Variants in CD276 observed in about 807,000 individuals in gnomAD.
CD276 encodes CD276 molecule, also known as CD276 antigen.
Under a neutral mutation model 50.0 loss-of-function variants are expected in CD276, and 34 were observed. The observed-to-expected ratio is 0.68, with a 90% CI of 0.52 to 0.91. The LOEUF (loss-of-function observed/expected upper bound fraction) is 0.91, where lower values mean the gene tolerates loss of function less well. Ranked by LOEUF, CD276 falls within the 40% of genes least tolerant of loss-of-function variation. CD276 has a pLI of 0.00. For synonymous variants in CD276, 275 were observed against 313.0 expected (o/e 0.88, Z 1.28); for missense variants, 634 against 717.5 (o/e 0.88, Z 1.33).
At chr15:73,685,453 TTGTGTGTGTG>T (rs55859831) in intron 1 of CD276, among the ~76,000 whole-genome samples, 2,672 of 131,902 alleles carry the variant, frequency 0.02, 25 homozygotes, top group African/African-American at 0.031. Flanking sequence ...CAAAAAAGAT[TTGTGTGTGTG>T]TGTGTGTGTG....
rs751945352 is a variant in CD276 at position 73,708,476 on chromosome 15, G to A, written c.1504+3G>A. ...GAGCTGTGAGGAGGAGAATGCAGGT[G>A]AGTGTGTGTGTATGTGTGTGCGTGC... On this transcript the variant is annotated splice_donor_region_variant and intron_variant, in intron 7 of 9. Coordinates refer to ENST00000318443, the MANE Select transcript of CD276 (RefSeq NM_001024736.2). The A allele has an allele frequency of 1.2e-6, 2 of 1,612,764 alleles. No individual in the cohort carries two copies. Among genetic ancestry groups the A allele is most frequent in the African/African-American group, 1.3e-5 (1 of 75,034 alleles).
intron 1 of CD276, among the ~76,000 whole-genome samples, chr15:73,689,285 G>T (rs1899895980): frequency 6.6e-6 from 1 of 150,650 alleles, no homozygotes; most frequent in South Asian, 2.1e-4. Context: ...CATGCCTCTA[G>T]TTCCAGGGAG....
intron 1 of CD276, chr15:73,684,859 C>T (rs1899677361): frequency 1.3e-5 from 2 of 152,400 alleles, no homozygotes. Context: ...CAGATCTGTC[C>T]CGTGTTGAAG....
chr15:73,690,870 C>T, intron 1 of CD276: 1 of 451,858 alleles, frequency 2.2e-6, no homozygotes, highest in South Asian at 1.6e-5. Flanking sequence ...GTGGGCAGGG[C>T]CAGGGCAGAT....
intron 1 of CD276, among the ~76,000 whole-genome samples, chr15:73,691,587 C>G (rs1899990487): frequency 6.6e-6 from 1 of 152,108 alleles, no homozygotes; most frequent in Non-Finnish European, 1.5e-5. Context: ...TGTAACATGC[C>G]CAGGCCCTAG....
chr15:73,708,709 G>C, intron 7 of CD276: 1 of 551,426 alleles, frequency 1.8e-6, no homozygotes, highest in Non-Finnish European at 3.3e-6. Context: ...AGTGTGACTG[G>C]AAGGTGGTGG....
rs545258004 is a variant in CD276, at chr15:73,708,480, G to A, written c.1504+7G>A. ...TGTGAGGAGGAGAATGCAGGTGAGTGTGTGTGTATGTGTGTGCGTGCGCAT... is the reference window on the plus strand; with the variant it reads ...TGTGAGGAGGAGAATGCAGGTGAGTATGTGTGTATGTGTGTGCGTGCGCAT... On this transcript the variant is annotated splice_region_variant and intron_variant, in intron 7 of 9. Coordinates refer to ENST00000318443, the MANE Select transcript of CD276 (RefSeq NM_001024736.2). The A allele has an allele frequency of 9.3e-5, 150 of 1,608,730 alleles. No homozygotes were observed. The South Asian group carries it at 1.6e-3, about 17-fold the overall frequency.
intron 6 of CD276, among the ~76,000 whole-genome samples, chr15:73,707,460 T>A (rs767486844): frequency 6.6e-6 from 1 of 152,182 alleles, no homozygotes; most frequent in Admixed American, 6.5e-5. Context: ...CCTCAGTGTT[T>A]CATGTTAATA....
Position 73,704,198 on chromosome 15 carries a change from G to T in CD276, c.1095G>T (p.Met365Ile). ...CAGCTCCCTACTCGAAGCCCAGCAT[G>T]ACCCTGGAGCCCAACAAGGACCTGC... is the stretch of plus-strand genomic sequence containing the variant. ...QVAAPYSKPSMTLEPNKDLRP... is the reference protein window; with the variant it reads ...QVAAPYSKPSITLEPNKDLRP... Residue 365 changes from methionine (M) to isoleucine (I), a missense_variant, in exon 6 of 10, where the codon ATG (methionine) becomes ATT (isoleucine). Coordinates refer to ENST00000318443, the MANE Select transcript of CD276 (RefSeq NM_001024736.2). This position sits in a 1 kb window ranked among gnomAD's most constrained non-coding sequence, Gnocchi z 4.1. 6.2e-7 allele frequency: 1 copy of T among 1,613,460 alleles called. No homozygotes were observed. Among genetic ancestry groups the T allele is most frequent in the Non-Finnish European group, 8.5e-7 (1 of 1,179,760 alleles).
At chr15:73,708,270 C>T in intron 6 of CD276, 69 bp from the exon 7 acceptor site, 1 of 1,565,636 alleles carries the variant, frequency 6.4e-7, no homozygotes, top group African/African-American at 1.4e-5. Context: ...ACACTTGGAG[C>T]CAATGGTGCT....
In CD276 at chr15:73,703,105, C is replaced by T; in HGVS notation, c.733+19C>T. ...CCCACAGGTTGCTTTGCTTAAATGT[C>T]CCCTTGGGGGAGGGGGGTTCTGCTT... On this transcript the variant is annotated intron_variant, in intron 4 of 9. Coordinates refer to ENST00000318443, the MANE Select transcript of CD276 (RefSeq NM_001024736.2). The T allele has an allele frequency of 1.3e-6, 2 of 1,557,258 alleles. No homozygotes were observed. The highest frequency in any genetic ancestry group is 1.7e-6 in the Non-Finnish European group (2 of 1,147,644).
chr15:73,696,317 C>T (rs1380449512), intron 1 of CD276, among the ~76,000 whole-genome samples: 1 of 152,032 alleles, frequency 6.6e-6, no homozygotes, highest in Non-Finnish European at 1.5e-5. Flanking sequence ...CTGCGTGGCT[C>T]CACGTGGCTC....
At chr15:73,708,833 G>A (rs1039083910) in intron 7 of CD276, 48 of 320,764 alleles carry the variant, frequency 1.5e-4, no homozygotes, top group Admixed American at 3.2e-4. Flanking sequence ...GAAGCTGTGC[G>A]GCACAAATGT....
At chr15:73,701,161 G>A (rs899036154) in intron 2 of CD276, among the ~76,000 whole-genome samples, 1 of 151,594 alleles carries the variant, frequency 6.6e-6, no homozygotes, top group Admixed American at 6.6e-5. Flanking sequence ...CTCCCATGCC[G>A]GGCCTTTTCC....
At chr15:73,689,188 C>CTGTGTGTGTGTGTGTGTGTGTG (rs58196751) in intron 1 of CD276, among the ~76,000 whole-genome samples, 19 of 142,626 alleles carry the variant, frequency 1.3e-4, no homozygotes, top group Admixed American at 2.1e-4. Flanking sequence ...TCTGTGCCTC[C>CTGTGTGTGTGTGTGTGTGTGTG]TGTGTGTGTG....
At chr15:73,696,664 C>T (rs1322438507) in intron 1 of CD276, among the ~76,000 whole-genome samples, 2 of 152,088 alleles carry the variant, frequency 1.3e-5, no homozygotes, top group Non-Finnish European at 2.9e-5. Flanking sequence ...GGGGAGGTGC[C>T]CTCTGCTCCC....
rs748860461 is a variant in CD276, at chr15:73,708,335, T to G, written c.1370-4T>G. On this transcript the variant is annotated splice_region_variant and splice_polypyrimidine_tract_variant and intron_variant, in intron 6 of 9. Coordinates refer to ENST00000318443, the MANE Select transcript of CD276 (RefSeq NM_001024736.2). ...AGTCTCACTGTTGCTACTTTTCCTCTCAGGGCAGCCTATGACATTCCCCCC... is the reference window on the plus strand; with the variant it reads ...AGTCTCACTGTTGCTACTTTTCCTCGCAGGGCAGCCTATGACATTCCCCCC... The G allele has an allele frequency of 6.2e-7, 1 of 1,613,776 alleles. No individual in the cohort carries two copies. Among genetic ancestry groups the G allele is most frequent in the African/African-American group, 1.3e-5 (1 of 75,014 alleles).
At chr15:73,708,569 G>A (rs749936663) in intron 7 of CD276, 96 bp downstream of exon 7, 2 of 1,410,252 alleles carry the variant, frequency 1.4e-6, no homozygotes, top group Non-Finnish European at 1.9e-6. Flanking sequence ...ACTTTCTAGT[G>A]ACAGAACGAG....
At position 73,702,562 on chromosome 15, in the gene CD276, C is replaced by T. The variant is rs571386373; in HGVS notation, c.387C>T (p.Phe129=). The part of the protein sequence containing the change: ...SFTCFVSIRD[F]GSAAVSLQVA... Reference sequence around the variant, plus strand: ...CCTGCTTCGTGAGCATCCGGGATTTCGGCAGCGCTGCCGTCAGCCTGCAGG... The same window carrying T: ...CCTGCTTCGTGAGCATCCGGGATTTTGGCAGCGCTGCCGTCAGCCTGCAGG... The change falls in exon 3 of 10, where the codon TTC becomes TTT. Residue 129 remains phenylalanine (F), a synonymous_variant. Coordinates refer to ENST00000318443, the MANE Select transcript of CD276 (RefSeq NM_001024736.2). 357 of 1,610,128 alleles carry T rather than the reference C, an allele frequency of 2.2e-4. 3 individuals carry two copies. The South Asian group carries it at 2.2e-3, about 10-fold the overall frequency.
Sources: gnomAD v4.1 joint callset for allele counts (sites outside exome capture counted in the v4.1 genomes callset) on GRCh38, gnomAD v4.1.1 for gene constraint, Gnocchi (gnomAD v3.1) non-coding constraint, MANE v1.5 for transcripts, NCBI Gene and HGNC (gene_info 2026-07-23, HGNC 2026-07-21) for gene names.